CNTLN: variants seen among roughly 807,000 people sequenced by gnomAD.
CNTLN encodes centlein, also known as centlein, centrosomal protein.
CNTLN carries 212 observed loss-of-function variants against 180.0 expected under a neutral mutation model. That is an observed-to-expected ratio of 1.18 (90% confidence interval 1.05 to 1.32). The LOEUF (loss-of-function observed/expected upper bound fraction) is 1.32. CNTLN is among the 40% of genes most tolerant of loss of function. The probability of loss-of-function intolerance (pLI) is 0.00; values close to 1 mark genes in which losing one functional copy is unlikely to be tolerated. For synonymous variants in CNTLN, 722 were observed against 563.1 expected, an observed-to-expected ratio of 1.28 and a Z score of -3.99; for missense variants, 2,095 against 1,610.9, an observed-to-expected ratio of 1.30 and a Z score of -5.14.
intron 5 of CNTLN, among the ~76,000 whole-genome samples, chr9:17,259,251 G>A (rs1319583176): frequency 2.0e-5 from 3 of 148,968 alleles, no homozygotes; most frequent in Admixed American, 6.7e-5. Context: ...TTTTGTCTTT[G>A]GTTCTGTTTA....
At chr9:17,218,084 GA>G (rs1333865926) in intron 2 of CNTLN, among the ~76,000 whole-genome samples, 1 of 151,894 alleles carries the variant, frequency 6.6e-6, no homozygotes, top group Non-Finnish European at 1.5e-5. Flanking sequence ...ATTGAATAAG[GA>G]AAAAAATGTC....
chr9:17,206,633 T>C (rs368786366), intron 2 of CNTLN, among the ~76,000 whole-genome samples: 1 of 152,218 alleles, frequency 6.6e-6, no homozygotes, highest in African/African-American at 2.4e-5. Context: ...TTCCTACAAA[T>C]GAGTATCAAA....
chr9:17,254,334 T>G (rs1826339070), intron 5 of CNTLN, among the ~76,000 whole-genome samples: 1 of 151,738 alleles, frequency 6.6e-6, no homozygotes, highest in South Asian at 2.1e-4. Flanking sequence ...TTTTTGCTTT[T>G]GTTGTCTATG....
At chr9:17,229,062 G>C (rs1824652696) in intron 3 of CNTLN, among the ~76,000 whole-genome samples, 1 of 151,966 alleles carries the variant, frequency 6.6e-6, no homozygotes, top group Non-Finnish European at 1.5e-5. Flanking sequence ...AAGACTTTAA[G>C]CAGTGAGAAT....
At chr9:17,304,215 A>G (rs950231659) in intron 7 of CNTLN, among the ~76,000 whole-genome samples, 1 of 152,144 alleles carries the variant, frequency 6.6e-6, no homozygotes, top group African/African-American at 2.4e-5. Context: ...GTAACAAATC[A>G]TCAGTCTCAT....
At chr9:17,364,625 G>A (rs1823659437) in intron 12 of CNTLN, among the ~76,000 whole-genome samples, 1 of 151,722 alleles carries the variant, frequency 6.6e-6, no homozygotes, top group East Asian at 1.9e-4. Flanking sequence ...TCCCATTTTG[G>A]GCAGTGGGAT....
chr9:17,460,123 A>G (rs1417480775), intron 19 of CNTLN, among the ~76,000 whole-genome samples: 2 of 151,758 alleles, frequency 1.3e-5, no homozygotes, highest in East Asian at 3.9e-4. Flanking sequence ...GTAATTTTAC[A>G]TATACTTTTC....
chr9:17,391,074 A>G, intron 14 of CNTLN, among the ~76,000 whole-genome samples: 1 of 152,190 alleles, frequency 6.6e-6, no homozygotes, highest in East Asian at 1.9e-4. Flanking sequence ...AAAAACAAAG[A>G]CCCAGAGAAA....
intron 25 of CNTLN, among the ~76,000 whole-genome samples, chr9:17,490,545 T>C (rs749874937): frequency 5.3e-5 from 8 of 151,942 alleles, no homozygotes; most frequent in Non-Finnish European, 1.0e-4. Flanking sequence ...ATAGGCAAAT[T>C]TATAGACAGT....
chr9:17,321,874 A>G (rs1020285270), intron 8 of CNTLN, among the ~76,000 whole-genome samples: 8 of 152,110 alleles, frequency 5.3e-5, no homozygotes, highest in East Asian at 1.9e-4. Flanking sequence ...AAGAATATCA[A>G]TCTTATACTT....
chr9:17,508,668 A>G (rs958000742), downstream of CNTLN, among the ~76,000 whole-genome samples: 4 of 152,212 alleles, frequency 2.6e-5, no homozygotes, highest in Admixed American at 2.0e-4. Flanking sequence ...TATGGAATGT[A>G]TAGCCTTTTG....
intron 18 of CNTLN, among the ~76,000 whole-genome samples, chr9:17,454,162 A>G (rs1259536565): frequency 6.6e-6 from 1 of 152,154 alleles, no homozygotes; most frequent in Non-Finnish European, 1.5e-5. Context: ...ATTTCTTCTT[A>G]CAGTCGCTTA....
At chr9:17,262,454 C>A (rs1242914633) in intron 5 of CNTLN, among the ~76,000 whole-genome samples, 1 of 151,346 alleles carries the variant, frequency 6.6e-6, no homozygotes, top group Non-Finnish European at 1.5e-5. Context: ...AAGCTATCAT[C>A]CTCAGCAAAC....
At chr9:17,292,264 T>G (rs533362289) in intron 6 of CNTLN, among the ~76,000 whole-genome samples, 6 of 152,092 alleles carry the variant, frequency 3.9e-5, no homozygotes, top group Non-Finnish European at 7.4e-5. Context: ...CTTGGTGAAT[T>G]TGATGATTAT....
chr9:17,409,420 C>A lies in CNTLN; in HGVS notation c.2743C>A (p.Gln915Lys). The A allele has an allele frequency of 1.9e-6, 3 of 1,612,888 alleles. No homozygotes were observed. Among genetic ancestry groups the A allele is most frequent in the Middle Eastern group, 1.7e-4 (1 of 6,052 alleles). Residue 915 changes from glutamine to lysine, a missense_variant, in exon 16 of 26, where the codon CAA becomes AAA. By Grantham distance (53) the Gln-to-Lys change is moderately conservative. Coordinates refer to ENST00000380647, the MANE Select transcript of CNTLN (RefSeq NM_017738.4). ...ESDPTEDSQT[Q>K]GKEIVQTYLN... ...TGATCCAACAGAAGACAGCCAAACACAAGGAAAAGAAATAGTACAGACATA... is the reference window on the plus strand; with the variant it reads ...TGATCCAACAGAAGACAGCCAAACAAAAGGAAAAGAAATAGTACAGACATA...
chr9:17,308,393 T>G (rs1332861430), intron 7 of CNTLN, among the ~76,000 whole-genome samples: 1 of 152,112 alleles, frequency 6.6e-6, no homozygotes, highest in Non-Finnish European at 1.5e-5. Context: ...TTGAAGAGCC[T>G]TTACATTCTT....
At chr9:17,275,981 G>C (rs1345325231) in intron 6 of CNTLN, among the ~76,000 whole-genome samples, 1 of 152,064 alleles carries the variant, frequency 6.6e-6, no homozygotes, top group Non-Finnish European at 1.5e-5. Flanking sequence ...TGGACTACTA[G>C]ACGGTGAAGG....
intron 2 of CNTLN, among the ~76,000 whole-genome samples, chr9:17,210,867 C>T (rs1340149111): frequency 6.6e-6 from 1 of 152,110 alleles, no homozygotes; most frequent in Non-Finnish European, 1.5e-5. Context: ...TGAGAAGTGT[C>T]TGTTCATATC....
chr9:17,522,052 C>G, the CNTLN span, among the ~76,000 whole-genome samples: 1 of 151,922 alleles, frequency 6.6e-6, no homozygotes, highest in South Asian at 2.1e-4. Context: ...AATGAGATAC[C>G]CCCACCCCAC....
Sources: gnomAD v4.1 joint callset for allele counts (sites outside exome capture counted in the v4.1 genomes callset) on GRCh38, gnomAD v4.1.1 for gene constraint, MANE v1.5 for transcripts, NCBI Gene and HGNC (gene_info 2026-07-23, HGNC 2026-07-21) for gene names.